SNX7: variants seen among roughly 807,000 people sequenced by gnomAD.
SNX7 encodes sorting nexin 7.
In SNX7, 35 loss-of-function variants were observed where a neutral mutation model predicts 48.4. That is an observed-to-expected ratio of 0.72 (90% confidence interval 0.55 to 0.96). The LOEUF (loss-of-function observed/expected upper bound fraction) is 0.96. Ranked by LOEUF, SNX7 falls within the 40% of genes least tolerant of loss-of-function variation. The pLI, the probability that SNX7 is intolerant of heterozygous loss-of-function variation, is 0.00. For missense variants in SNX7, 553 were observed against 548.9 expected, an observed-to-expected ratio of 1.01 and a Z score of -0.07; for synonymous variants, 190 against 190.2, an observed-to-expected ratio of 1.00 and a Z score of 0.01.
rs1183561753 is a variant in SNX7 at position 98,698,865 on chromosome 1, C to T, written c.998C>T (p.Pro333Leu). The T allele has an allele frequency of 1.1e-5, 17 of 1,613,656 alleles. No homozygotes were observed. The highest frequency in any genetic ancestry group is 1.4e-5 in the Non-Finnish European group (16 of 1,179,782). Residue 333 changes from proline (P) to leucine (L), a missense_variant, in exon 6 of 9, where the codon CCT (proline) becomes CTT (leucine). Coordinates refer to ENST00000306121, the MANE Select transcript of SNX7 (RefSeq NM_015976.5). ...TCTGGACTCTCAGAGGCCCTGCTTC[C>T]TGTTGTACATGAGTACGTGCTTTAT... The part of the protein sequence containing the change: ...RMSGLSEALL[P>L]VVHEYVLYSE...
At chr1:98,670,858 A>G (rs931999264) in intron 1 of SNX7, among the ~76,000 whole-genome samples, 2 of 123,046 alleles carry the variant, frequency 1.6e-5, no homozygotes, top group Admixed American at 1.9e-4. Flanking sequence ...TCTTTTATGT[A>G]GAGACAGTGA....
intron 7 of SNX7, among the ~76,000 whole-genome samples, chr1:98,709,277 A>G (rs1448093644): frequency 6.6e-6 from 1 of 152,210 alleles, no homozygotes; most frequent in Non-Finnish European, 1.5e-5. Context: ...CAAAGTTTGG[A>G]AAGTGTTAAC....
intron 7 of SNX7, among the ~76,000 whole-genome samples, chr1:98,710,792 CA>C (rs1454423292): frequency 6.6e-6 from 1 of 152,112 alleles, no homozygotes; most frequent in African/African-American, 2.4e-5. Flanking sequence ...AATTAGAAGC[CA>C]GGAGAAGGCT....
intron 8 of SNX7, among the ~76,000 whole-genome samples, chr1:98,754,008 A>T (rs1196045643): frequency 6.6e-6 from 1 of 152,108 alleles, no homozygotes; most frequent in African/African-American, 2.4e-5. Flanking sequence ...GCATATCTGC[A>T]TATGATGTTA....
intron 4 of SNX7, among the ~76,000 whole-genome samples, chr1:98,693,890 C>T (rs1651282676): frequency 6.6e-6 from 1 of 152,138 alleles, no homozygotes; most frequent in Non-Finnish European, 1.5e-5. Flanking sequence ...TGTGTCTCAA[C>T]AAGGGCCACA....
intron 7 of SNX7, among the ~76,000 whole-genome samples, chr1:98,725,757 G>T (rs557036836): frequency 6.6e-6 from 1 of 152,258 alleles, no homozygotes; most frequent in Non-Finnish European, 1.5e-5. Flanking sequence ...AAATGTCTTG[G>T]ATTTGAGAGG....
At chr1:98,672,505 A>G (rs1275855747) in intron 1 of SNX7, among the ~76,000 whole-genome samples, 1 of 150,276 alleles carries the variant, frequency 6.7e-6, no homozygotes, top group East Asian at 2.0e-4. Context: ...CAATCAGACC[A>G]CCTCTAACAA....
Position 98,734,422 on chromosome 1 carries a change from C to T in SNX7, c.1126-3815C>T, listed in dbSNP as rs1011177785. ...AATCAATGGCTGGTGCTATTCAGTC[C>T]GTATGAATAGAGCATGTGTCTTGAC... is the stretch of plus-strand genomic sequence containing the variant. On this transcript the variant is annotated intron_variant, in intron 7 of 8. Coordinates refer to ENST00000306121, the MANE Select transcript of SNX7 (RefSeq NM_015976.5). Among the ~76,000 whole-genome samples the T allele has an allele frequency of 3.7e-4, 56 of 152,196 alleles. 1 individual carries two copies. The highest frequency in any genetic ancestry group is 1.3e-3 in the African/African-American group (55 of 41,538).
At chr1:98,730,645 C>T (rs1445159668) in intron 7 of SNX7, among the ~76,000 whole-genome samples, 2 of 151,804 alleles carry the variant, frequency 1.3e-5, no homozygotes, top group East Asian at 1.9e-4. Flanking sequence ...AATGAATTCC[C>T]GTTCACAGTT....
Position 98,708,439 on chromosome 1 carries a change from T to C in SNX7, c.1125+6536T>C, listed in dbSNP as rs182010147. ...GAATGTGGCCATCAGAATTTACTTA[T>C]CAGCTACAATACACACCCAGTTACA... On this transcript the variant is annotated intron_variant, in intron 7 of 8. Transcript: ENST00000306121. Among the ~76,000 whole-genome samples, 28 of 152,292 alleles carry C rather than the reference T, an allele frequency of 1.8e-4. No homozygotes were observed. The East Asian group carries it at 5.2e-3, about 28-fold the overall frequency.
chr1:98,729,313 C>A (rs1653360816), intron 7 of SNX7, among the ~76,000 whole-genome samples: 1 of 152,000 alleles, frequency 6.6e-6, no homozygotes, highest in African/African-American at 2.4e-5. Context: ...CACTAAATGC[C>A]CACTTCATAA....
intron 8 of SNX7, among the ~76,000 whole-genome samples, chr1:98,743,344 A>AT (rs1315830870): frequency 8.1e-5 from 12 of 148,984 alleles, no homozygotes; most frequent in African/African-American, 1.7e-4. Flanking sequence ...CCCTAAAGTT[A>AT]TTTTTTTCTA....
intron 1 of SNX7, among the ~76,000 whole-genome samples, chr1:98,679,403 C>T (rs896946277): frequency 4.6e-5 from 7 of 152,090 alleles, no homozygotes; most frequent in African/African-American, 1.7e-4. Context: ...CCATATCACT[C>T]CACCCCTGGC....
intron 7 of SNX7, among the ~76,000 whole-genome samples, chr1:98,712,887 T>G (rs1652387139): frequency 1.3e-5 from 2 of 151,632 alleles, no homozygotes; most frequent in South Asian, 2.1e-4. Context: ...AGGTTGGGAG[T>G]TCGAAATGAG....
chr1:98,700,492 A>G (rs1255999792), intron 6 of SNX7, among the ~76,000 whole-genome samples: 1 of 152,050 alleles, frequency 6.6e-6, no homozygotes, highest in African/African-American at 2.4e-5. Context: ...TTGAGATATC[A>G]GTTGAATTTT....
intron 1 of SNX7, among the ~76,000 whole-genome samples, chr1:98,665,681 C>T (rs533164981): frequency 3.4e-4 from 51 of 152,150 alleles, no homozygotes; most frequent in Non-Finnish European, 5.6e-4. Flanking sequence ...CTCTGCCTCC[C>T]GGGTTCAAGC....
At position 98,661,788 on chromosome 1, in the gene SNX7, C is replaced by A. The variant is rs1359396155; in HGVS notation, c.57C>A (p.Gly19=). 8.0e-7 allele frequency: 1 copy of A among 1,243,610 alleles called. No individual in the cohort carries two copies. Among genetic ancestry groups the A allele is most frequent in the African/African-American group, 1.6e-5 (1 of 64,246 alleles). 77.0% of individuals were successfully genotyped at this position (1,243,610 alleles called of 1,614,324 possible). ...CCTCCTCGGGCCTCCCGGCCGGGGGCGCCAACGGGGAGAGCCCGGGGGGCG... is the reference window on the plus strand; with the variant it reads ...CCTCCTCGGGCCTCCCGGCCGGGGGAGCCAACGGGGAGAGCCCGGGGGGCG... ...QAPSSGLPAG[G]ANGESPGGGA... The change falls in exon 1 of 9, where the codon GGC becomes GGA. Residue 19 remains glycine, a synonymous_variant. Transcript: ENST00000306121.
chr1:98,706,370 A>G (rs569500160), intron 7 of SNX7, among the ~76,000 whole-genome samples: 22 of 152,176 alleles, frequency 1.4e-4, no homozygotes, highest in Non-Finnish European at 2.6e-4. Context: ...GGGACAGTAC[A>G]TGCACAATGA....
chr1:98,752,977 GATGGTTCAGGACATTGACTATCCATTTGT>G, intron 8 of SNX7, among the ~76,000 whole-genome samples: 1 of 151,994 alleles, frequency 6.6e-6, no homozygotes. Context: ...GTACCCTGGT[GATGGTTCAGGACATTGACTATCCATTTGT>G]TAATGGATAA....
Sources: allele counts gnomAD v4.1 joint callset (sites outside exome capture counted in the v4.1 genomes callset), GRCh38; gene constraint gnomAD v4.1.1; transcripts MANE v1.5; gene names NCBI Gene and HGNC (gene_info 2026-07-23, HGNC 2026-07-21).